The following POLR1A variants were observed in gnomAD, a reference collection of about 807,000 sequenced individuals.
POLR1A encodes RNA polymerase I subunit A, also known as DNA-directed RNA polymerase I subunit RPA1.
A neutral mutation model predicts 205.3 loss-of-function variants in POLR1A; 84 were observed. That is an observed-to-expected ratio of 0.41 (90% confidence interval 0.34 to 0.49). POLR1A has a LOEUF of 0.49. Among genes scored for constraint, POLR1A ranks in the 20% least tolerant of loss-of-function variants. The pLI, the probability that POLR1A is intolerant of heterozygous loss-of-function variation, is 0.22. For missense variants in POLR1A, 1,645 were observed against 2,204.5 expected, an observed-to-expected ratio of 0.75 and a Z score of 5.08; for synonymous variants, 799 against 863.7, an observed-to-expected ratio of 0.93 and a Z score of 1.31.
intron 2 of POLR1A, among the ~76,000 whole-genome samples, chr2:86,099,044 GA>G (rs1673761914): frequency 6.6e-6 from 1 of 152,096 alleles, no homozygotes; most frequent in South Asian, 2.1e-4. Flanking sequence ...ATTTAATTAA[GA>G]GACTTCTCAG....
Position 86,097,627 on chromosome 2 carries a change from A to C in POLR1A, c.432+984T>G, listed in dbSNP as rs62147716. Among the ~76,000 whole-genome samples, 1,298 of 152,338 alleles carry C rather than the reference A, an allele frequency of 8.5e-3. 8 individuals are homozygous for C. Among genetic ancestry groups the C allele is most frequent in the Non-Finnish European group, 0.014 (969 of 68,010 alleles). ...GGAACTGGAGGACATTACGTGAAATAAGCCAGGAACAGAAAGTTAAACACT... is the reference window on the plus strand; with the variant it reads ...GGAACTGGAGGACATTACGTGAAATCAGCCAGGAACAGAAAGTTAAACACT... On this transcript the variant is annotated intron_variant, in intron 3 of 33. Transcript: ENST00000263857.
Position 86,022,032 on chromosome 2 carries a change from C to T in POLR1A, c.*5391G>A, listed in dbSNP as rs1413656214. On this transcript the variant is annotated 3_prime_UTR_variant, in exon 34 of 34. Coordinates refer to ENST00000263857, the MANE Select transcript of POLR1A (RefSeq NM_015425.6). ...TTGATGACCACTCGTGGTAGGACAG[C>T]GATGCTGCTTAAAGAACTTAAGGAA... The T allele has an allele frequency of 2.0e-5, 3 of 152,178 alleles. No individual in the cohort carries two copies. The highest frequency in any genetic ancestry group is 2.9e-5 in the Non-Finnish European group (2 of 68,034). 9.4% of individuals were successfully genotyped at this position (152,178 alleles called of 1,614,324 possible).
At chr2:86,100,729 C>T (rs1673805100) in intron 1 of POLR1A, among the ~76,000 whole-genome samples, 1 of 151,912 alleles carries the variant, frequency 6.6e-6, no homozygotes, top group South Asian at 2.1e-4. Context: ...TTTGTAGAGA[C>T]AGGATTTAGC....
intron 13 of POLR1A, among the ~76,000 whole-genome samples, chr2:86,067,032 G>C (rs1673094271): frequency 1.3e-5 from 2 of 152,118 alleles, no homozygotes; most frequent in South Asian, 2.1e-4. Context: ...CATAATTACA[G>C]GTTCTGTGAT....
At chr2:86,091,861 C>T (rs1171133225) in intron 3 of POLR1A, among the ~76,000 whole-genome samples, 3 of 152,134 alleles carry the variant, frequency 2.0e-5, no homozygotes, top group African/African-American at 7.2e-5. Context: ...CACCTGTAAT[C>T]CCAGCACTTT....
At chr2:86,065,562 A>G in intron 13 of POLR1A, 97 bp from the exon 14 acceptor site, 1 of 998,712 alleles carries the variant, frequency 1.0e-6, no homozygotes, top group South Asian at 1.6e-5. Context: ...TTCTATCAAG[A>G]GCCCTTCTTA....
In POLR1A at chr2:86,026,937, G is replaced by T. The variant is rs1398513474; in HGVS notation, c.*486C>A. The T allele has an allele frequency of 6.8e-5, 12 of 176,576 alleles. No individual in the cohort carries two copies. Among genetic ancestry groups the T allele is most frequent in the Admixed American group, 6.4e-4 (12 of 18,662 alleles). The allele number at this position is 176,576 out of a possible 1,614,324, so 10.9% of individuals were successfully genotyped here. On this transcript the variant is annotated 3_prime_UTR_variant, in exon 34 of 34. Coordinates refer to ENST00000263857, the MANE Select transcript of POLR1A (RefSeq NM_015425.6). ...CGGAAGGAGCAGGCCTTGGGCAGCA[G>T]GCTCCACGTTCCTGCTCATCGGGAG...
chr2:86,073,799 C>A lies in POLR1A; in HGVS notation c.1611+1231G>T, dbSNP rs571768259. 6.6e-5 allele frequency among the ~76,000 whole-genome samples: 10 copies of A among 152,314 alleles called. No individual in the cohort carries two copies. In the East Asian group the frequency reaches 1.7e-3, roughly 26 times the overall value. The stretch of plus-strand genomic sequence containing the variant: ...GCATCAGTACTGCCTCATCCCTCAC[C>A]CCTTCTCCTAGTCTCTTTCTCATCC... On this transcript the variant is annotated intron_variant, in intron 12 of 33. Transcript: ENST00000263857.
chr2:86,065,140 G>C, intron 14 of POLR1A, 134 bp downstream of exon 14: 1 of 835,700 alleles, frequency 1.2e-6, no homozygotes, highest in Non-Finnish European at 1.9e-6. Context: ...CCCAAACAAA[G>C]GGGAAAGAAA....
intron 25 of POLR1A, 91 bp downstream of exon 25, chr2:86,040,299 TCA>T (rs1345849755): frequency 2.0e-6 from 2 of 998,998 alleles, no homozygotes; most frequent in African/African-American, 1.6e-5. Flanking sequence ...ACTCTCTCAT[TCA>T]CACACACTCA....
In POLR1A at chr2:86,038,729, G is replaced by A. The variant is rs1052411385; in HGVS notation, c.4005C>T (p.Pro1335=). Reference sequence around the variant, plus strand: ...TTTCCATGAAGCGCAGGATGTCCTCGGGTCTCAGGCACTTCTCCTGCTGGT... The same window carrying A: ...TTTCCATGAAGCGCAGGATGTCCTCAGGTCTCAGGCACTTCTCCTGCTGGT... The part of the protein sequence containing the change: ...AYYQQEKCLR[P]EDILRFMETR... Residue 1335 remains proline, a synonymous_variant, in exon 27 of 34, where the codon CCC becomes CCT. Transcript: ENST00000263857. 6.2e-6 allele frequency: 10 copies of A among 1,613,774 alleles called. No individual in the cohort carries two copies. Among genetic ancestry groups the A allele is most frequent in the Admixed American group, 1.7e-5 (1 of 60,004 alleles).
chr2:86,081,633 G>A lies in POLR1A; in HGVS notation c.891C>T (p.Phe297=), dbSNP rs772727492. The change falls in exon 8 of 34, where the codon TTC becomes TTT. Residue 297 remains phenylalanine, a synonymous_variant. Transcript: ENST00000263857. The part of the protein sequence containing the change: ...GMESRFNPSV[F]FLDFLVVPPS... ...GCGGCACCACCAAGAAATCTAGAAA[G>A]AACACACTGGGATTGAATCTGGATT... The A allele has an allele frequency of 1.1e-5, 18 of 1,610,244 alleles. No homozygotes were observed. The South Asian group carries it at 1.8e-4, about 16-fold the overall frequency.
intron 4 of POLR1A, among the ~76,000 whole-genome samples, chr2:86,089,287 G>A (rs1371524518): frequency 1.3e-5 from 2 of 152,224 alleles, no homozygotes; most frequent in Admixed American, 6.5e-5. Flanking sequence ...CACATGAGTG[G>A]CTCTGCACCT....
chr2:86,048,810 A>G (rs1392345876), intron 18 of POLR1A, 74 bp downstream of exon 18: 2 of 1,373,920 alleles, frequency 1.5e-6, no homozygotes, highest in Non-Finnish European at 2.0e-6. Context: ...GGCCCAGGTG[A>G]GAATCAAAAT....
In POLR1A at chr2:86,032,300, G is replaced by A. The variant is rs962656266; in HGVS notation, c.4244C>T (p.Ala1415Val). Residue 1415 changes from alanine (A) to valine (V), a missense_variant, in exon 29 of 34, where the codon GCC (alanine) becomes GTC (valine). Ala to Val is a moderately conservative substitution (Grantham distance 64, BLOSUM62 0). This residue lies in a region of POLR1A where 394 missense variants were observed against 468.5 expected (regional missense o/e 0.84). Transcript: ENST00000263857. ...AEEGDADASD[A>V]KRKEKQEEEV... is the part of the protein sequence containing the mutation. Reference sequence around the variant, plus strand: ...CTCCTCCTGCTTCTCCTTGCGTTTGGCATCAGAGGCATCGGCGTCCCCCTC... The same window carrying A: ...CTCCTCCTGCTTCTCCTTGCGTTTGACATCAGAGGCATCGGCGTCCCCCTC... 1.5e-5 allele frequency: 24 copies of A among 1,612,798 alleles called. No individual in the cohort carries two copies. Among genetic ancestry groups the A allele is most frequent in the Non-Finnish European group, 2.0e-5 (24 of 1,178,800 alleles).
At position 86,021,380 on chromosome 2, in the gene POLR1A, G is replaced by A. The variant is rs1262371538; in HGVS notation, c.*6043C>T. 2 of 152,376 alleles carry A rather than the reference G, an allele frequency of 1.3e-5. No individual in the cohort carries two copies. Among genetic ancestry groups the A allele is most frequent in the Non-Finnish European group, 2.9e-5 (2 of 68,116 alleles). The allele number at this position is 152,376 out of a possible 1,614,324, so 9.4% of individuals were successfully genotyped here. On this transcript the variant is annotated 3_prime_UTR_variant, in exon 34 of 34. Coordinates refer to ENST00000263857, the MANE Select transcript of POLR1A (RefSeq NM_015425.6). The stretch of plus-strand genomic sequence containing the variant: ...CCACACCTATATCACCCATATTCAA[G>A]GGCAAAGGGCCAGCAGCCAGGGTGG...
intron 5 of POLR1A, 42 bp from the exon 6 acceptor site, chr2:86,088,711 A>G: frequency 2.5e-6 from 4 of 1,600,774 alleles, no homozygotes; most frequent in African/African-American, 1.3e-5. Flanking sequence ...GAAAAAACCC[A>G]GTAAGATATT....
At position 86,100,137 on chromosome 2, in the gene POLR1A, T is replaced by C. The variant is rs779364171; in HGVS notation, c.113A>G (p.Tyr38Cys). Residue 38 changes from tyrosine (Y) to cysteine (C), a missense_variant, in exon 2 of 34, where the codon TAC becomes TGC. Tyr to Cys is a radical substitution (Grantham distance 194). This residue lies in a region of POLR1A where 330 missense variants were observed against 375.6 expected (regional missense o/e 0.88). Coordinates refer to ENST00000263857, the MANE Select transcript of POLR1A (RefSeq NM_015425.6). ...CGATGGGTTCCCCAGGCTGTCCAGG[T>C]ATCGAGGGTTCGTAATGGATTTAAC... ...LSVKSITNPR[Y>C]LDSLGNPSAN... 3.1e-6 allele frequency: 5 copies of C among 1,614,112 alleles called. No homozygotes were observed. The highest frequency in any genetic ancestry group is 4.2e-6 in the Non-Finnish European group (5 of 1,179,974).
intron 1 of POLR1A, among the ~76,000 whole-genome samples, chr2:86,105,345 A>C (rs1673906007): frequency 6.6e-6 from 1 of 152,190 alleles, no homozygotes; most frequent in Non-Finnish European, 1.5e-5. Context: ...TTTTACAAAC[A>C]AGAGGAAACT....
Sources: gnomAD v4.1 joint callset for allele counts (sites outside exome capture counted in the v4.1 genomes callset) on GRCh38, gnomAD v4.1.1 for gene constraint, gnomAD v4.1.1 regional missense constraint, MANE v1.5 for transcripts, NCBI Gene and HGNC (gene_info 2026-07-23, HGNC 2026-07-21) for gene names.